The following LRRC37A2 variants were observed in gnomAD, a reference collection of about 807,000 sequenced individuals.
The protein encoded by LRRC37A2 is leucine rich repeat containing 37 member A2, also known as leucine-rich repeat-containing protein 37A2.
Under a neutral mutation model 68.8 loss-of-function variants are expected in LRRC37A2, and 9 were observed. The ratio of observed to expected loss-of-function variants is 0.13; its 90% confidence interval spans 0.08 to 0.23. The LOEUF (loss-of-function observed/expected upper bound fraction) is 0.23, where lower values mean the gene tolerates loss of function less well. LRRC37A2 is among the 10% of genes least tolerant of loss of function. The pLI is 1.00. For synonymous variants in LRRC37A2, 63 were observed against 367.6 expected (o/e 0.17, Z 9.48); for missense variants, 168 against 950.4 (o/e 0.18, Z 10.82).
the LRRC37A2 span, chr17:46,940,828 C>T: frequency 8.2e-6 from 12 of 1,462,626 alleles, no homozygotes; most frequent in South Asian, 1.4e-5. Flanking sequence ...GGCTGGTGGA[C>T]AGCAGCCAGT....
At chr17:47,011,696 A>G in the LRRC37A2 span, among the ~76,000 whole-genome samples, 1 of 151,766 alleles carries the variant, frequency 6.6e-6, no homozygotes, top group East Asian at 1.9e-4. Flanking sequence ...ATGAGCCACC[A>G]CGCCAGGCCA....
chr17:46,898,741 C>T, the LRRC37A2 span, among the ~76,000 whole-genome samples: 2 of 152,206 alleles, frequency 1.3e-5, no homozygotes, highest in African/African-American at 2.4e-5. Context: ...CATATTTCAA[C>T]AGTAATAATA....
intron 6 of LRRC37A2, among the ~76,000 whole-genome samples, chr17:46,535,015 G>A (rs1400094835): frequency 6.7e-6 from 1 of 150,028 alleles, no homozygotes; most frequent in Non-Finnish European, 1.5e-5. Context: ...CAGGGTCGCG[G>A]CCGGGCAGAG....
At chr17:46,499,337 G>GGA in the LRRC37A2 span, among the ~76,000 whole-genome samples, 2 of 139,504 alleles carry the variant, frequency 1.4e-5, no homozygotes, top group South Asian at 2.5e-4. Flanking sequence ...AAAAAAAAAG[G>GGA]TGGGGGGACA....
chr17:46,779,053 T>TCACACACATA, the LRRC37A2 span, among the ~76,000 whole-genome samples: 1 of 100,612 alleles, frequency 9.9e-6, no homozygotes, highest in African/African-American at 4.5e-5. Flanking sequence ...CCCTACCCCA[T>TCACACACATA]CACACACACA....
the LRRC37A2 span, among the ~76,000 whole-genome samples, chr17:46,707,804 G>C: frequency 6.6e-6 from 1 of 151,984 alleles, no homozygotes; most frequent in Non-Finnish European, 1.5e-5. Context: ...GATTGAGGTG[G>C]GTGGGTCACC....
chr17:46,940,291 C>T, the LRRC37A2 span: 3 of 1,437,518 alleles, frequency 2.1e-6, no homozygotes, highest in South Asian at 1.5e-5. Flanking sequence ...CCCCTCCGGG[C>T]CAAATGGGCC....
At chr17:46,958,480 G>A in the LRRC37A2 span, among the ~76,000 whole-genome samples, 5 of 152,230 alleles carry the variant, frequency 3.3e-5, no homozygotes, top group South Asian at 8.3e-4. Flanking sequence ...AGGAAGCAAG[G>A]TGTCTCACAG....
At chr17:46,798,897 A>G in the LRRC37A2 span, among the ~76,000 whole-genome samples, 1 of 151,826 alleles carries the variant, frequency 6.6e-6, no homozygotes, top group African/African-American at 2.4e-5. Flanking sequence ...AAAATACAAA[A>G]ATTGGCCAGG....
chr17:46,825,799 G>A, the LRRC37A2 span, among the ~76,000 whole-genome samples: 1 of 152,332 alleles, frequency 6.6e-6, no homozygotes, highest in Non-Finnish European at 1.5e-5. Context: ...CGAGGTGGGC[G>A]GATCACCTGA....
the LRRC37A2 span, chr17:46,721,443 C>T: frequency 1.6e-6 from 1 of 613,910 alleles, no homozygotes; most frequent in South Asian, 2.1e-5. Flanking sequence ...TTCAGACTTC[C>T]CTCCTAACTT....
chr17:46,904,126 G>A, the LRRC37A2 span, among the ~76,000 whole-genome samples: 4 of 151,634 alleles, frequency 2.6e-5, no homozygotes, highest in African/African-American at 9.7e-5. Context: ...TGGGTAGGTG[G>A]ATGTGTAGGG....
chr17:46,837,201 A>T, the LRRC37A2 span, among the ~76,000 whole-genome samples: 1 of 152,102 alleles, frequency 6.6e-6, no homozygotes, highest in Non-Finnish European at 1.5e-5. Flanking sequence ...GCGGCCCCCC[A>T]AAGTGCTGGG....
intron 12 of LRRC37A2, 116 bp from the exon 12 acceptor site, chr17:46,555,036 T>TCCATA: frequency 1.7e-6 from 1 of 585,772 alleles, no homozygotes; most frequent in Non-Finnish European, 2.4e-6. Context: ...GTGGTGGTTC[T>TCCATA]CCCTGTGATT....
chr17:46,723,111 G>T, the LRRC37A2 span, among the ~76,000 whole-genome samples: 1 of 152,210 alleles, frequency 6.6e-6, no homozygotes, highest in African/African-American at 2.4e-5. Flanking sequence ...CATGTAGCAA[G>T]TCATCATTAG....
the LRRC37A2 span, among the ~76,000 whole-genome samples, chr17:46,985,757 C>A: frequency 2.0e-5 from 3 of 152,220 alleles, no homozygotes; most frequent in Non-Finnish European, 4.4e-5. Context: ...CCTCTCTGGG[C>A]TTCCATTGGC....
chr17:46,923,245 C>T, the LRRC37A2 span: 7 of 1,550,690 alleles, frequency 4.5e-6, no homozygotes, highest in African/African-American at 5.5e-5. Flanking sequence ...GGGGAGCGGG[C>T]AGGGGCTAGA....
the LRRC37A2 span, among the ~76,000 whole-genome samples, chr17:46,458,531 C>CTTTTTTTTT: frequency 1.4e-3 from 55 of 39,882 alleles, 1 homozygote; most frequent in Non-Finnish European, 1.8e-3. Context: ...TCTTCTTCTT[C>CTTTTTTTTT]TTTTTTTTTT....
chr17:46,978,582 G>C, the LRRC37A2 span: 366 of 1,520,284 alleles, frequency 2.4e-4, no homozygotes, highest in Non-Finnish European at 3.0e-4. Flanking sequence ...AGAGCGGGGC[G>C]AGGGTCCGGG....
Sources: gnomAD v4.1 joint callset for allele counts (sites outside exome capture counted in the v4.1 genomes callset) on GRCh38, gnomAD v4.1.1 for gene constraint, MANE v1.5 for transcripts, NCBI Gene and HGNC (gene_info 2026-07-23, HGNC 2026-07-21) for gene names.